FEM1C: variants seen among roughly 807,000 people sequenced by gnomAD.
FEM1C encodes the protein protein fem-1 homolog C.
Under a neutral mutation model 37.6 loss-of-function variants are expected in FEM1C, and 15 were observed. The ratio of observed to expected loss-of-function variants is 0.40; its 90% CI spans 0.27 to 0.61. FEM1C has a LOEUF of 0.61. FEM1C is among the 20% of genes least tolerant of loss of function. The pLI, the probability that FEM1C is intolerant of heterozygous loss-of-function variation, is 0.42. For missense variants in FEM1C, 532 were observed against 749.7 expected (o/e 0.71, Z 3.39); for synonymous variants, 287 against 272.8 (o/e 1.05, Z -0.51).
chr5:115,524,219 A>G lies in FEM1C; in HGVS notation c.*89T>C, dbSNP rs1241245698. On this transcript the variant is annotated 3_prime_UTR_variant, in exon 3 of 3. Transcript: ENST00000274457. ...AGCACAATGATATCAATCAAGCTAA[A>G]TGAATGCTGGTGTTATCACAACAGT... The G allele has an allele frequency of 9.6e-7, 1 of 1,039,502 alleles. No homozygotes were observed. The highest frequency in any genetic ancestry group is 1.6e-5 in the African/African-American group (1 of 62,840). 64.4% of individuals were successfully genotyped at this position (1,039,502 alleles called of 1,614,324 possible).
chr5:115,533,890 T>C (rs1754066551), intron 2 of FEM1C, among the ~76,000 whole-genome samples: 1 of 151,730 alleles, frequency 6.6e-6, no homozygotes, highest in Non-Finnish European at 1.5e-5. Context: ...TCTCAATGCC[T>C]GATTAAGAAA....
At chr5:115,534,605 C>T (rs895309561) in intron 2 of FEM1C, among the ~76,000 whole-genome samples, 4 of 151,938 alleles carry the variant, frequency 2.6e-5, no homozygotes, top group South Asian at 2.1e-4. Context: ...ACCACCCTCA[C>T]GGAGTAGACA....
Position 115,522,054 on chromosome 5 carries a change from T to C in FEM1C, c.*2254A>G, listed in dbSNP as rs995879004. The C allele has an allele frequency of 6.6e-6, 1 of 151,762 alleles. No individual in the cohort carries two copies. Among genetic ancestry groups the C allele is most frequent in the African/African-American group, 2.4e-5 (1 of 41,356 alleles). The allele number at this position is 151,762 out of a possible 1,614,324, so 9.4% of individuals were successfully genotyped here. On this transcript the variant is annotated 3_prime_UTR_variant, in exon 3 of 3. Transcript: ENST00000274457. ...AAGAAATCCTTACTTTACACAGGAG[T>C]TGCACAATTCAAATTCTGCTGCAAA...
chr5:115,523,732 C>T lies in FEM1C; in HGVS notation c.*576G>A, dbSNP rs1241296748. ...TTGAGTTGAAGTTGACCAACTGCTG[C>T]ATAGAAAATATGCTAACATACAACA... is the stretch of plus-strand genomic sequence containing the variant. On this transcript the variant is annotated 3_prime_UTR_variant, in exon 3 of 3. Transcript: ENST00000274457. 1 of 152,536 alleles carries T rather than the reference C, an allele frequency of 6.6e-6. No homozygotes were observed. Among genetic ancestry groups the T allele is most frequent in the African/African-American group, 2.4e-5 (1 of 41,414 alleles). 9.4% of individuals were successfully genotyped at this position (152,536 alleles called of 1,614,324 possible).
chr5:115,529,961 A>G (rs548828352), intron 2 of FEM1C, among the ~76,000 whole-genome samples: 2 of 152,200 alleles, frequency 1.3e-5, no homozygotes, highest in South Asian at 2.1e-4. Context: ...AAAAATCAGA[A>G]AAGTACCCAG....
intron 2 of FEM1C, among the ~76,000 whole-genome samples, chr5:115,527,735 G>C (rs1467035502): frequency 6.6e-6 from 1 of 152,104 alleles, no homozygotes; most frequent in Non-Finnish European, 1.5e-5. Context: ...AGGCGCGGTA[G>C]CTCACGCCTG....
chr5:115,536,571 A>C (rs1754132694), intron 2 of FEM1C, among the ~76,000 whole-genome samples: 1 of 152,002 alleles, frequency 6.6e-6, no homozygotes, highest in African/African-American at 2.4e-5. Context: ...GAAGGGATAA[A>C]GGGAAAAAAA....
rs1753874977 is a variant in FEM1C, at chr5:115,525,634, A to G, written c.545-17T>C. 1.3e-6 allele frequency: 2 copies of G among 1,587,228 alleles called. No individual in the cohort carries two copies. The highest frequency in any genetic ancestry group is 2.2e-5 in the East Asian group (1 of 44,676). On this transcript the variant is annotated splice_polypyrimidine_tract_variant and intron_variant, in intron 2 of 2. Coordinates refer to ENST00000274457, the MANE Select transcript of FEM1C (RefSeq NM_020177.3). ...CAGTATTACCTTAAAGAGAGAGAGA[A>G]AAAAAGAAATAACATACATTGAGGG...
chr5:115,535,558 A>C (rs916506543), intron 2 of FEM1C, among the ~76,000 whole-genome samples: 2 of 151,940 alleles, frequency 1.3e-5, no homozygotes, highest in Admixed American at 6.6e-5. Context: ...ATATCACTAC[A>C]CACTTCCTAA....
In FEM1C at chr5:115,524,350, A is replaced by G. The variant is rs748468773; in HGVS notation, c.1812T>C (p.His604=). 1 of 1,613,400 alleles carries G rather than the reference A, an allele frequency of 6.2e-7. No homozygotes were observed. Among genetic ancestry groups the G allele is most frequent in the Non-Finnish European group, 8.5e-7 (1 of 1,179,584 alleles). The change falls in exon 3 of 3, where the codon CAT becomes CAC. Residue 604 remains histidine, a synonymous_variant. Transcript: ENST00000274457. The stretch of plus-strand genomic sequence containing the variant: ...CAAAAGTCTCTAGCTTTTCTGGGAT[A>G]TGCCCTTTATAATATATTCTATGAT... ...IVNHRIYYKG[H]IPEKLETFVS...
intron 2 of FEM1C, among the ~76,000 whole-genome samples, chr5:115,539,455 T>C (rs1451507951): frequency 6.6e-6 from 1 of 152,072 alleles, no homozygotes; most frequent in Non-Finnish European, 1.5e-5. Context: ...ATTTACAGTC[T>C]AGATTCTTAA....
In FEM1C at chr5:115,543,338, C is replaced by T; in HGVS notation, c.156G>A (p.Gly52=). 6.2e-7 allele frequency: 1 copy of T among 1,614,190 alleles called. No homozygotes were observed. Among genetic ancestry groups the T allele is most frequent in the Non-Finnish European group, 8.5e-7 (1 of 1,180,038 alleles). Residue 52 remains glycine, a synonymous_variant, in exon 2 of 3, where the codon GGG becomes GGA. Coordinates refer to ENST00000274457, the MANE Select transcript of FEM1C (RefSeq NM_020177.3). ...ATPLLMAARY[G]HLDMVEFLLE... is the part of the protein sequence containing the mutation. The stretch of plus-strand genomic sequence containing the variant: ...GGAGGAATTCCACCATGTCAAGGTG[C>T]CCATACCTGGCGGCCATCAAGAGTG...
rs1753806471 is a variant in FEM1C, at chr5:115,522,959, G to T, written c.*1349C>A. On this transcript the variant is annotated 3_prime_UTR_variant, in exon 3 of 3. Transcript: ENST00000274457. ...TGAGTGAGTGAGAGAGAGAGAGAGAGAGAAAGAGAAAGAGAAAGAAAGAGT... is the reference window on the plus strand; with the variant it reads ...TGAGTGAGTGAGAGAGAGAGAGAGATAGAAAGAGAAAGAGAAAGAAAGAGT... 6.6e-6 allele frequency: 1 copy of T among 151,886 alleles called. No individual in the cohort carries two copies. The highest frequency in any genetic ancestry group is 1.5e-5 in the Non-Finnish European group (1 of 67,840). The allele number at this position is 151,886 out of a possible 1,614,324, so 9.4% of individuals were successfully genotyped here.
Position 115,524,794 on chromosome 5 carries a change from AG to A in FEM1C, c.1367del (p.Pro456LeufsTer4). ...TGAAATGGTCTTGTTCTAGAGTACA[AG>A]GAACTTTCTCTAACAAGCAAATTAA... The part of the protein sequence containing the change: ...LHLICLLEKV[P>X]CTLEQDHFKK... On this transcript the variant is annotated frameshift_variant, in exon 3 of 3. Transcript: ENST00000274457. LOFTEE classifies it high-confidence loss of function. 1 of 1,593,898 alleles carries A rather than the reference AG, an allele frequency of 6.3e-7. No individual in the cohort carries two copies.
rs573399403 is a variant in FEM1C, at chr5:115,533,084, T to C, written c.545-7467A>G. On this transcript the variant is annotated intron_variant, in intron 2 of 2. Transcript: ENST00000274457. ...CAAAAAAATTAACGCCTACCTAAAA[T>C]AGAATCACAAATGTGTGATGGCTTA... Among the ~76,000 whole-genome samples, 51 of 152,112 alleles carry C rather than the reference T, an allele frequency of 3.4e-4. 1 individual carries two copies. The South Asian group carries it at 7.5e-3, about 22-fold the overall frequency.
chr5:115,521,070 C>T lies in FEM1C; in HGVS notation c.*3238G>A, dbSNP rs547245272. 2 of 131,014 alleles carry T rather than the reference C, an allele frequency of 1.5e-5. No individual in the cohort carries two copies. The highest frequency in any genetic ancestry group is 4.3e-4 in the East Asian group (2 of 4,652). 8.1% of individuals were successfully genotyped at this position (131,014 alleles called of 1,614,324 possible). ...GAGAGAAACTAGTTGTTTAGTGACA[C>T]ATAAGGGCAAAAAAAAAAAAAAGAA... is the stretch of plus-strand genomic sequence containing the variant. On this transcript the variant is annotated 3_prime_UTR_variant, in exon 3 of 3. Coordinates refer to ENST00000274457, the MANE Select transcript of FEM1C (RefSeq NM_020177.3).
intron 2 of FEM1C, among the ~76,000 whole-genome samples, chr5:115,529,257 C>T (rs1487492000): frequency 1.4e-5 from 2 of 139,986 alleles, no homozygotes; most frequent in Non-Finnish European, 3.2e-5. Flanking sequence ...ACACAGCAAA[C>T]TGCTGAAAAC....
rs1753801415 is a variant in FEM1C, at chr5:115,522,732, T to G, written c.*1576A>C. 1 of 152,422 alleles carries G rather than the reference T, an allele frequency of 6.6e-6. No homozygotes were observed. Among genetic ancestry groups the G allele is most frequent in the Non-Finnish European group, 1.5e-5 (1 of 67,886 alleles). The allele number at this position is 152,422 out of a possible 1,614,324, so 9.4% of individuals were successfully genotyped here. ...TGATCCAGCTCATTGAACTCACAGG[T>G]AAACTGAGTTTTTCTCAAATCAATA... On this transcript the variant is annotated 3_prime_UTR_variant, in exon 3 of 3. Transcript: ENST00000274457.
intron 2 of FEM1C, among the ~76,000 whole-genome samples, chr5:115,531,017 T>G (rs889202586): frequency 2.0e-5 from 3 of 152,076 alleles, no homozygotes; most frequent in Non-Finnish European, 4.4e-5. Context: ...CACATTTTAT[T>G]TAACTGTTGC....
Sources: gnomAD v4.1 joint callset for allele counts (sites outside exome capture counted in the v4.1 genomes callset) on GRCh38, gnomAD v4.1.1 for gene constraint, MANE v1.5 for transcripts, NCBI Gene and HGNC (gene_info 2026-07-23, HGNC 2026-07-21) for gene names.